Variants in DNAH5 observed in about 807,000 individuals in gnomAD.
DNAH5 encodes axonemal beta dynein heavy chain 5.
DNAH5 carries 372 observed loss-of-function variants against 518.2 expected under a neutral mutation model. The observed-to-expected ratio is 0.72, with a 90% CI of 0.66 to 0.78. The LOEUF is 0.78. Among genes scored for constraint, DNAH5 ranks in the 30% least tolerant of loss-of-function variants. DNAH5 has a pLI of 0.00. For missense variants in DNAH5, 5,523 were observed against 5,687.0 expected (o/e 0.97, Z 0.93); for synonymous variants, 2,039 against 2,025.9 (o/e 1.01, Z -0.17).
intron 22 of DNAH5, among the ~76,000 whole-genome samples, chr5:13,874,265 T>C (rs1770549911): frequency 6.6e-6 from 1 of 152,296 alleles, no homozygotes; most frequent in Non-Finnish European, 1.5e-5. Context: ...TTCCCAGAAA[T>C]GGATAGAAGT....
At position 13,762,934 on chromosome 5, in the gene DNAH5, C is replaced by T. The variant is rs565987557; in HGVS notation, c.10102-33G>A. The T allele has an allele frequency of 3.2e-6, 5 of 1,562,846 alleles. No homozygotes were observed. In the East Asian group the frequency reaches 1.1e-4, roughly 35 times the overall value. ...AGAAAAGAGTAAAATAAAGTCGAAA[C>T]ACTTCTTTCCATAAAGTCATACTTG... is the stretch of plus-strand genomic sequence containing the variant. On this transcript the variant is annotated intron_variant, in intron 59 of 78. Transcript: ENST00000265104.
chr5:13,882,656 G>C, intron 21 of DNAH5, 72 bp downstream of exon 21: 1 of 1,149,088 alleles, frequency 8.7e-7, no homozygotes, highest in East Asian at 2.4e-5. Context: ...TACATGGAGG[G>C]GTTAAAAAAC....
intron 1 of DNAH5, among the ~76,000 whole-genome samples, chr5:13,953,277 A>G (rs956975255): frequency 7.3e-5 from 11 of 151,706 alleles, no homozygotes; most frequent in African/African-American, 1.2e-4. Flanking sequence ...GTGAATGTGT[A>G]TATATATATA....
At position 13,829,556 on chromosome 5, in the gene DNAH5, T is replaced by G; in HGVS notation, c.6398A>C (p.Lys2133Thr). The G allele has an allele frequency of 6.2e-7, 1 of 1,614,178 alleles. No individual in the cohort carries two copies. The highest frequency in any genetic ancestry group is 8.5e-7 in the Non-Finnish European group (1 of 1,180,030). ...ACACAGTTTGTAGAGCGTGAAAAAC[T>G]TCCTGGCCAAAACAACGTTGTCAAT... ...GFIDNVVLARKFFTLYKLCEE... is the reference protein window; with the variant it reads ...GFIDNVVLARTFFTLYKLCEE... Residue 2133 changes from lysine (K) to threonine (T), a missense_variant, in exon 38 of 79, where the codon AAG (lysine) becomes ACG (threonine). Lys to Thr is a moderately conservative substitution (Grantham distance 78, BLOSUM62 -1). Around this residue, in one of 3 missense-constraint regions of DNAH5, gnomAD observed 5,121 missense variants for 5,223.3 expected, o/e 0.98. Coordinates refer to ENST00000265104, the MANE Select transcript of DNAH5 (RefSeq NM_001369.3).
intron 15 of DNAH5, chr5:13,896,454 T>A (rs1773925757): frequency 6.6e-6 from 1 of 152,216 alleles, no homozygotes; most frequent in African/African-American, 2.4e-5. Context: ...ACTACCTGTT[T>A]AAGATTATAA....
At chr5:13,869,105 C>A (rs1394923082) in intron 24 of DNAH5, among the ~76,000 whole-genome samples, 9 of 152,112 alleles carry the variant, frequency 5.9e-5, no homozygotes, top group Admixed American at 5.9e-4. Flanking sequence ...GATGTTTCAA[C>A]CCAAGGAGAG....
At chr5:13,927,065 A>G (rs1777950922) in intron 3 of DNAH5, among the ~76,000 whole-genome samples, 1 of 152,154 alleles carries the variant, frequency 6.6e-6, no homozygotes, top group Non-Finnish European at 1.5e-5. Context: ...GGTCATAAAA[A>G]GGATGTATAT....
intron 65 of DNAH5, among the ~76,000 whole-genome samples, chr5:13,742,406 C>A (rs535625701): frequency 3.3e-5 from 5 of 152,090 alleles, no homozygotes; most frequent in Non-Finnish European, 5.9e-5. Flanking sequence ...CTTTTCCACT[C>A]ACAGTCACTC....
intron 68 of DNAH5, 26 bp downstream of exon 68, chr5:13,735,105 G>T (rs373620771): frequency 1.1e-5 from 18 of 1,608,638 alleles, no homozygotes; most frequent in Non-Finnish European, 1.4e-5. Flanking sequence ...GCACCTGTGC[G>T]CTATAGTCTC....
intron 71 of DNAH5, among the ~76,000 whole-genome samples, chr5:13,719,584 G>A (rs1005842485): frequency 6.6e-6 from 1 of 152,142 alleles, no homozygotes; most frequent in Non-Finnish European, 1.5e-5. Context: ...GATGCAACCT[G>A]ATTTATACCA....
At chr5:13,716,322 C>A (rs1484069626) in intron 74 of DNAH5, among the ~76,000 whole-genome samples, 165 bp downstream of exon 74, 1 of 152,158 alleles carries the variant, frequency 6.6e-6, no homozygotes, top group Admixed American at 6.5e-5. Context: ...ACATTTTAAT[C>A]ATCCATTGAG....
At chr5:13,884,278 T>A (rs1772070369) in intron 19 of DNAH5, among the ~76,000 whole-genome samples, 1 of 152,212 alleles carries the variant, frequency 6.6e-6, no homozygotes, top group Non-Finnish European at 1.5e-5. Flanking sequence ...AATGAAAGAA[T>A]CGTTTCCATA....
At chr5:13,781,085 T>C in intron 52 of DNAH5, 126 bp from the exon 53 acceptor site, 1 of 1,086,594 alleles carries the variant, frequency 9.2e-7, no homozygotes, top group Non-Finnish European at 1.3e-6. Flanking sequence ...AAGATCAGAC[T>C]GGAGACACAC....
intron 1 of DNAH5, among the ~76,000 whole-genome samples, chr5:13,968,967 AT>A (rs1561021136): frequency 6.6e-6 from 1 of 151,876 alleles, no homozygotes; most frequent in Non-Finnish European, 1.5e-5. Flanking sequence ...TTTGTTGGCA[AT>A]TTTTTTATTA....
chr5:13,804,203 T>C (rs979421576), intron 47 of DNAH5, among the ~76,000 whole-genome samples: 3 of 152,198 alleles, frequency 2.0e-5, no homozygotes, highest in African/African-American at 7.2e-5. Flanking sequence ...TCCAAACTTT[T>C]GATAGTGGCA....
intron 76 of DNAH5, 118 bp from the exon 77 acceptor site, chr5:13,701,554 A>C (rs961873440): frequency 1.6e-4 from 155 of 976,662 alleles, no homozygotes; most frequent in Middle Eastern, 2.8e-4. Flanking sequence ...ATAATGAAAA[A>C]AGTCCCTAAG....
chr5:13,709,461 A>G (rs1743208223), intron 75 of DNAH5, among the ~76,000 whole-genome samples: 2 of 152,204 alleles, frequency 1.3e-5, no homozygotes, highest in African/African-American at 4.8e-5. Context: ...AGGATAATTG[A>G]AGATTTAAAA....
intron 65 of DNAH5, among the ~76,000 whole-genome samples, chr5:13,743,254 T>C (rs1170499208): frequency 1.3e-5 from 2 of 152,106 alleles, no homozygotes; most frequent in Non-Finnish European, 2.9e-5. Flanking sequence ...AAGTGTTCTA[T>C]ATAAATTCTA....
intron 40 of DNAH5, among the ~76,000 whole-genome samples, chr5:13,820,778 T>C (rs992981578): frequency 1.4e-5 from 2 of 146,308 alleles, no homozygotes; most frequent in East Asian, 2.0e-4. Flanking sequence ...TAAGCCGAGA[T>C]TGCACCACTG....
Sources: gnomAD v4.1 joint callset for allele counts (sites outside exome capture counted in the v4.1 genomes callset) on GRCh38, gnomAD v4.1.1 for gene constraint, gnomAD v4.1.1 regional missense constraint, MANE v1.5 for transcripts, NCBI Gene and HGNC (gene_info 2026-07-23, HGNC 2026-07-21) for gene names.